PTPRK: variants seen among roughly 807,000 people sequenced by gnomAD.
PTPRK encodes protein tyrosine phosphatase receptor type K, also known as receptor-type tyrosine-protein phosphatase kappa.
In PTPRK, 75 loss-of-function variants were observed where a neutral mutation model predicts 178.0. That is an observed-to-expected ratio of 0.42 (90% confidence interval 0.35 to 0.51). PTPRK has a LOEUF of 0.51. PTPRK is among the 20% of genes least tolerant of loss of function. The probability of loss-of-function intolerance (pLI) is 0.02; values close to 1 mark genes in which losing one functional copy is unlikely to be tolerated. For missense variants in PTPRK, 1,441 were observed against 1,797.8 expected (o/e 0.80, Z 3.59); for synonymous variants, 637 against 620.6 (o/e 1.03, Z -0.39).
chr6:128,109,057 C>G (rs1583043502), intron 7 of PTPRK, among the ~76,000 whole-genome samples: 1 of 151,960 alleles, frequency 6.6e-6, no homozygotes, highest in Non-Finnish European at 1.5e-5. Flanking sequence ...ATACACAGAA[C>G]AGAATGATAA....
chr6:128,444,219 G>A (rs192825631), intron 1 of PTPRK, among the ~76,000 whole-genome samples: 12 of 152,238 alleles, frequency 7.9e-5, no homozygotes, highest in African/African-American at 1.4e-4. Flanking sequence ...AATGCCAGAC[G>A]TGAATAGCCC....
chr6:128,144,461 C>T (rs1796199957), intron 7 of PTPRK, among the ~76,000 whole-genome samples: 1 of 152,150 alleles, frequency 6.6e-6, no homozygotes, highest in Non-Finnish European at 1.5e-5. Flanking sequence ...GTTTACTCTG[C>T]TGGAACATTC....
At chr6:128,275,522 T>C (rs1173556701) in intron 3 of PTPRK, among the ~76,000 whole-genome samples, 1 of 152,036 alleles carries the variant, frequency 6.6e-6, no homozygotes, top group African/African-American at 2.4e-5. Context: ...AGCTAATCAA[T>C]TGCTAACTGA....
chr6:128,464,608 T>C (rs1436238802), intron 1 of PTPRK, among the ~76,000 whole-genome samples: 1 of 124,144 alleles, frequency 8.1e-6, no homozygotes, highest in Non-Finnish European at 1.7e-5. Context: ...TAAATATATA[T>C]ATATACATAT....
intron 7 of PTPRK, among the ~76,000 whole-genome samples, chr6:128,105,975 C>T (rs761515772): frequency 5.3e-5 from 8 of 152,114 alleles, no homozygotes; most frequent in Non-Finnish European, 1.2e-4. Context: ...TGTTTTTCTC[C>T]ATTGCTGAAA....
chr6:128,494,991 G>A (rs1371590737), intron 1 of PTPRK, among the ~76,000 whole-genome samples: 2 of 152,130 alleles, frequency 1.3e-5, no homozygotes, highest in Non-Finnish European at 2.9e-5. Context: ...CAACTCTCCG[G>A]TATGTGTTCA....
intron 13 of PTPRK, among the ~76,000 whole-genome samples, chr6:128,060,562 C>A (rs76895618): frequency 6.6e-6 from 1 of 151,940 alleles, no homozygotes; most frequent in Non-Finnish European, 1.5e-5. Context: ...AATGTGAGTA[C>A]CAGGAAAGCA....
intron 6 of PTPRK, among the ~76,000 whole-genome samples, chr6:128,202,317 C>G (rs1052703051): frequency 1.3e-5 from 2 of 152,136 alleles, no homozygotes; most frequent in Non-Finnish European, 1.5e-5. Flanking sequence ...ACGCTTCTCC[C>G]GTAAATATTT....
chr6:128,506,993 G>GT (rs1856470507), intron 1 of PTPRK, among the ~76,000 whole-genome samples: 1 of 152,048 alleles, frequency 6.6e-6, no homozygotes, highest in African/African-American at 2.4e-5. Flanking sequence ...TTTAAGCACT[G>GT]TAACTCAATA....
At chr6:127,991,111 T>C (rs912429004) in intron 20 of PTPRK, among the ~76,000 whole-genome samples, 183 bp downstream of exon 20, 1 of 152,014 alleles carries the variant, frequency 6.6e-6, no homozygotes, top group African/African-American at 2.4e-5. Context: ...GCTTATTTTA[T>C]TACTCAATGA....
intron 5 of PTPRK, among the ~76,000 whole-genome samples, chr6:128,231,606 T>C (rs916393580): frequency 5.3e-5 from 8 of 152,304 alleles, no homozygotes; most frequent in Non-Finnish European, 1.0e-4. Context: ...GAGGTTTAAG[T>C]TGGCGACAAG....
intron 6 of PTPRK, among the ~76,000 whole-genome samples, chr6:128,195,031 G>A (rs1804617089): frequency 6.6e-6 from 1 of 150,448 alleles, no homozygotes; most frequent in Admixed American, 6.6e-5. Flanking sequence ...CATATATGCA[G>A]ACACATACAC....
At chr6:127,999,629 C>T (rs1777563266) in intron 15 of PTPRK, among the ~76,000 whole-genome samples, 1 of 152,062 alleles carries the variant, frequency 6.6e-6, no homozygotes, top group South Asian at 2.1e-4. Context: ...GAAGTCTTTT[C>T]TGGCCCCTCC....
intron 6 of PTPRK, among the ~76,000 whole-genome samples, chr6:128,209,085 C>A (rs182585031): frequency 1.3e-5 from 2 of 151,980 alleles, no homozygotes; most frequent in South Asian, 4.2e-4. Context: ...TAACCACCCC[C>A]CCCAGGAACA....
intron 3 of PTPRK, among the ~76,000 whole-genome samples, chr6:128,318,517 T>C (rs1828350584): frequency 6.6e-6 from 1 of 152,196 alleles, no homozygotes; most frequent in Admixed American, 6.5e-5. Context: ...AGGCACTTTC[T>C]GCTATACTAT....
Position 128,520,292 on chromosome 6 carries a change from G to A in PTPRK, c.67C>T (p.Leu23Phe), listed in dbSNP as rs2128448468. 1.9e-6 allele frequency: 3 copies of A among 1,608,730 alleles called. No individual in the cohort carries two copies. Among genetic ancestry groups the A allele is most frequent in the Middle Eastern group, 3.3e-4 (2 of 6,054 alleles). ...VALLLLSPWP[L>F]LGSAQGQFSA... ...AACTGGCCTTGGGCCGATCCCAGGA[G>A]AGGCCAAGGAGAGAGGAGCAAGAGC... is the stretch of plus-strand genomic sequence containing the variant. Residue 23 changes from leucine (L) to phenylalanine (F), a missense_variant, in exon 1 of 30, where the codon CTC (leucine) becomes TTC (phenylalanine). Leu to Phe is a conservative substitution (Grantham distance 22, BLOSUM62 0). Transcript: ENST00000368226.
chr6:128,237,474 C>T (rs189850037), intron 5 of PTPRK, among the ~76,000 whole-genome samples: 1 of 152,128 alleles, frequency 6.6e-6, no homozygotes, highest in Non-Finnish European at 1.5e-5. Context: ...AAACGAATTA[C>T]AAGACTTTTT....
chr6:127,971,181 C>T (rs1272137472), intron 29 of PTPRK, among the ~76,000 whole-genome samples: 1 of 152,126 alleles, frequency 6.6e-6, no homozygotes, highest in Non-Finnish European at 1.5e-5. Flanking sequence ...ACTGCCTTTC[C>T]TCTAAGCCCA....
chr6:128,086,851 T>C (rs1785932325), intron 8 of PTPRK, among the ~76,000 whole-genome samples: 1 of 151,914 alleles, frequency 6.6e-6, no homozygotes, highest in Non-Finnish European at 1.5e-5. Flanking sequence ...AAGGGATTAG[T>C]TTGTGACAAT....
Sources: gnomAD v4.1 joint callset for allele counts (sites outside exome capture counted in the v4.1 genomes callset) on GRCh38, gnomAD v4.1.1 for gene constraint, MANE v1.5 for transcripts, NCBI Gene and HGNC (gene_info 2026-07-23, HGNC 2026-07-21) for gene names.